The following AP3M2 variants were observed in gnomAD, a reference collection of about 807,000 sequenced individuals.
AP3M2 encodes the protein adaptor related protein complex 3 subunit mu 2.
Under a neutral mutation model 41.6 loss-of-function variants are expected in AP3M2, and 28 were observed. The observed-to-expected ratio is 0.67, with a 90% confidence interval of 0.50 to 0.92. AP3M2 has a LOEUF of 0.92. AP3M2 is among the 40% of genes least tolerant of loss of function. The pLI is 0.00. For synonymous variants in AP3M2, 193 were observed against 186.4 expected (o/e 1.04, Z -0.29); for missense variants, 427 against 521.4 (o/e 0.82, Z 1.76).
intron 4 of AP3M2, among the ~76,000 whole-genome samples, chr8:42,164,381 A>G (rs2150959794): frequency 6.6e-6 from 1 of 152,316 alleles, no homozygotes; most frequent in East Asian, 1.9e-4. Context: ...CTGAACTTGA[A>G]AAAAGAATAG....
At chr8:42,156,058 A>G (rs1186074883) in intron 2 of AP3M2, 1 of 454,284 alleles carries the variant, frequency 2.2e-6, no homozygotes, top group Non-Finnish European at 4.4e-6. Flanking sequence ...AAGTCCCAGT[A>G]TGTGGAAGAA....
At chr8:42,157,134 T>C (rs190638313) in intron 2 of AP3M2, among the ~76,000 whole-genome samples, 1 of 152,332 alleles carries the variant, frequency 6.6e-6, no homozygotes, top group African/African-American at 2.4e-5. Flanking sequence ...CACAAACATT[T>C]CTTGCTAAAT....
At position 42,165,169 on chromosome 8, in the gene AP3M2, G is replaced by T. The variant is rs200936959; in HGVS notation, c.669+13G>T. 5.6e-6 allele frequency: 9 copies of T among 1,611,240 alleles called. No individual in the cohort carries two copies. The highest frequency in any genetic ancestry group is 7.6e-6 in the Non-Finnish European group (9 of 1,177,966). ...ACTTTCCTTCATGGTAAAATCCTGG[G>T]CCAGAGATTAAGTTCTTGGGATGAG... is the stretch of plus-strand genomic sequence containing the variant. On this transcript the variant is annotated intron_variant, in intron 5 of 8. Coordinates refer to ENST00000396926, the MANE Select transcript of AP3M2 (RefSeq NM_006803.4).
At chr8:42,165,687 A>G (rs1804621876) in intron 6 of AP3M2, 127 bp downstream of exon 6, 1 of 1,189,968 alleles carries the variant, frequency 8.4e-7, no homozygotes, top group Non-Finnish European at 1.2e-6. Context: ...TGTGGTTACT[A>G]ATTGGGTAAC....
At position 42,153,082 on chromosome 8, in the gene AP3M2, G is replaced by A. The variant is rs1216364378; in HGVS notation, c.-96G>A. On this transcript the variant is annotated 5_prime_UTR_variant, in exon 1 of 9. Transcript: ENST00000396926. ...GGGCCTGTCCGCGCCTAGGAGCAGT[G>A]GGCGCTGAGAGCAGCAAGGCCAGGT... 1 of 151,878 alleles carries A rather than the reference G, an allele frequency of 6.6e-6. No homozygotes were observed. The highest frequency in any genetic ancestry group is 1.5e-5 in the Non-Finnish European group (1 of 68,024). The allele number at this position is 151,878 out of a possible 1,614,324, so 9.4% of individuals were successfully genotyped here.
At position 42,169,040 on chromosome 8, in the gene AP3M2, G is replaced by C. The variant is rs758601550; in HGVS notation, c.1236G>C (p.Gly412=). The stretch of plus-strand genomic sequence containing the variant: ...GCATAAAATACATGACCAAAGCTGG[G>C]AAGTTCCAAGTTCGAACCTGAAGGG... ...FKGIKYMTKA[G]KFQVRT is the part of the protein sequence containing the mutation. Residue 412 remains glycine, a synonymous_variant, in exon 9 of 9, where the codon GGG becomes GGC. Transcript: ENST00000396926. 4.3e-6 allele frequency: 7 copies of C among 1,611,258 alleles called. No individual in the cohort carries two copies. Among genetic ancestry groups the C allele is most frequent in the Non-Finnish European group, 5.9e-6 (7 of 1,178,792 alleles).
intron 2 of AP3M2, chr8:42,156,046 A>ATGG (rs35050424): frequency 1.9e-5 from 6 of 309,304 alleles, no homozygotes; most frequent in Admixed American, 3.6e-5. Flanking sequence ...AAACGTAAGT[A>ATGG]TAAGTCCCAG....
chr8:42,168,258 A>T (rs1406808970), intron 8 of AP3M2: 9 of 456,800 alleles, frequency 2.0e-5, no homozygotes, highest in Non-Finnish European at 4.0e-5. Context: ...AGGTCAGTTC[A>T]CTATAGTCTG....
Position 42,167,194 on chromosome 8 carries a change from T to TAA in AP3M2, c.835_836dup (p.Asn279LysfsTer16). On this transcript the variant is annotated frameshift_variant, in exon 7 of 9. Coordinates refer to ENST00000396926, the MANE Select transcript of AP3M2 (RefSeq NM_006803.4). LOFTEE classifies it high-confidence loss of function. Reference sequence around the variant, plus strand: ...TTGCAATCCCAGTGTATGTCAAACATAACATCAGTTTCCGGGACAGTAGTT... The same window carrying TAA: ...TTGCAATCCCAGTGTATGTCAAACATAAAACATCAGTTTCCGGGACAGTAGTT... 1 of 1,614,158 alleles carries TAA rather than the reference T, an allele frequency of 6.2e-7. No individual in the cohort carries two copies. Among genetic ancestry groups the TAA allele is most frequent in the Non-Finnish European group, 8.5e-7 (1 of 1,180,020 alleles).
chr8:42,169,087 C>T lies in AP3M2; in HGVS notation c.*26C>T. ...AGGGAGCATTTGCTGAGGGAATAGT[C>T]TTGCACATTTTTTCATTTCTTACTT... On this transcript the variant is annotated 3_prime_UTR_variant, in exon 9 of 9. Coordinates refer to ENST00000396926, the MANE Select transcript of AP3M2 (RefSeq NM_006803.4). 6.5e-7 allele frequency: 1 copy of T among 1,548,910 alleles called. No homozygotes were observed. The highest frequency in any genetic ancestry group is 8.8e-7 in the Non-Finnish European group (1 of 1,133,618).
chr8:42,153,689 G>C (rs1308041222), intron 1 of AP3M2: 6 of 151,752 alleles, frequency 4.0e-5, no homozygotes, highest in Admixed American at 3.9e-4. Context: ...TGGAGGGGGC[G>C]GGGTTCTCCC....
chr8:42,158,246 AGTT>A (rs377198802), intron 3 of AP3M2, 134 bp downstream of exon 3: 99,447 of 636,584 alleles, frequency 0.16, 7,212 homozygotes, highest in African/African-American at 0.46. Flanking sequence ...TGCTCTTTGT[AGTT>A]GTTTTTTTTT....
At position 42,166,956 on chromosome 8, in the gene AP3M2, AAAGTT is replaced by A. The variant is rs572761439; in HGVS notation, c.804-205_804-201del. The stretch of plus-strand genomic sequence containing the variant: ...GTTTGTATTATTCAGAGTCATTAGA[AAAGTT>A]AATTTAGTTACTAGACAGTAGCTTT... On this transcript the variant is annotated intron_variant, in intron 6 of 8. Transcript: ENST00000396926. 6.7e-4 allele frequency: 383 copies of A among 567,694 alleles called. 1 individual carries two copies. The highest frequency in any genetic ancestry group is 1.0e-3 in the Non-Finnish European group (330 of 318,196). 35.2% of individuals were successfully genotyped at this position (567,694 alleles called of 1,614,324 possible). A position where few individuals can be genotyped will look rare whatever the true frequency, so the allele number is the denominator to read the frequency against.
rs1448755238 is a variant in AP3M2, at chr8:42,154,222, T to C, written c.-72-394T>C. ...AAGCTGCGCATTTCTTGTGTATGTG[T>C]GAGCTGTTGCCAAAACATGACATCA... On this transcript the variant is annotated intron_variant, in intron 1 of 8. Coordinates refer to ENST00000396926, the MANE Select transcript of AP3M2 (RefSeq NM_006803.4). 8 of 173,566 alleles carry C rather than the reference T, an allele frequency of 4.6e-5. No homozygotes were observed. The East Asian group carries it at 1.3e-3, about 28-fold the overall frequency. The allele number at this position is 173,566 out of a possible 1,614,324, so 10.8% of individuals were successfully genotyped here. A position where few individuals can be genotyped will look rare whatever the true frequency, so the allele number is the denominator to read the frequency against.
At chr8:42,153,190 C>G (rs565712814) in intron 1 of AP3M2, 85 bp downstream of exon 1, 2 of 152,406 alleles carry the variant, frequency 1.3e-5, no homozygotes, top group African/African-American at 4.8e-5. Context: ...AGGATGCAGC[C>G]GGGCGGCCTC....
At chr8:42,165,196 A>C in intron 5 of AP3M2, 40 bp downstream of exon 5, 1 of 1,584,766 alleles carries the variant, frequency 6.3e-7, no homozygotes, top group Non-Finnish European at 8.7e-7. Context: ...TGGGATGAGA[A>C]ATTAAATGCT....
chr8:42,171,036 A>G lies in AP3M2; in HGVS notation c.*1975A>G, dbSNP rs945911411. On this transcript the variant is annotated 3_prime_UTR_variant, in exon 9 of 9. Transcript: ENST00000396926. ...CTGTCACATGTGCAGCAGGCCATGGAGTGTAGCGGGCATCGCTGCCGCCAT... is the reference window on the plus strand; with the variant it reads ...CTGTCACATGTGCAGCAGGCCATGGGGTGTAGCGGGCATCGCTGCCGCCAT... 1.3e-5 allele frequency: 2 copies of G among 152,236 alleles called. No individual in the cohort carries two copies. The highest frequency in any genetic ancestry group is 4.8e-5 in the African/African-American group (2 of 41,448). The allele number at this position is 152,236 out of a possible 1,614,324, so 9.4% of individuals were successfully genotyped here.
Position 42,167,770 on chromosome 8 carries a change from A to G in AP3M2, c.1116A>G (p.Thr372=). 6.2e-7 allele frequency: 1 copy of G among 1,614,146 alleles called. No homozygotes were observed. ...CTTCCAAACCAGATGAAAACCCCAC[A>G]ATTAACCTGCAGTTTAAGATCCAGC... ...AGASKPDENP[T]INLQFKIQQL... is the part of the protein sequence containing the mutation. The change falls in exon 8 of 9, where the codon ACA becomes ACG. Residue 372 remains threonine, a synonymous_variant. Transcript: ENST00000396926.
chr8:42,165,650 A>G, intron 6 of AP3M2, 90 bp downstream of exon 6: 1 of 1,490,872 alleles, frequency 6.7e-7, no homozygotes, highest in Non-Finnish European at 9.1e-7. Flanking sequence ...CAGGCTCTAG[A>G]GTTACCTGGG....
Sources: allele counts gnomAD v4.1 joint callset (sites outside exome capture counted in the v4.1 genomes callset), GRCh38; gene constraint gnomAD v4.1.1; transcripts MANE v1.5; gene names NCBI Gene and HGNC (gene_info 2026-07-23, HGNC 2026-07-21).